Variants in CNTNAP2 observed in about 807,000 individuals in gnomAD.
The protein encoded by CNTNAP2 is contactin-associated protein-like 2.
CNTNAP2 carries 98 observed loss-of-function variants against 155.2 expected under a neutral mutation model. The observed-to-expected ratio is 0.63, with a 90% CI of 0.54 to 0.75. The LOEUF is 0.75. CNTNAP2 is among the 30% of genes least tolerant of loss of function. CNTNAP2 has a pLI of 0.00. For missense variants in CNTNAP2, 1,727 were observed against 1,688.1 expected (o/e 1.02, Z -0.40); for synonymous variants, 651 against 631.2 (o/e 1.03, Z -0.47).
intron 12 of CNTNAP2, among the ~76,000 whole-genome samples, chr7:147,599,502 A>C (rs895244883): frequency 1.4e-5 from 2 of 144,636 alleles, no homozygotes; most frequent in Admixed American, 6.9e-5. Flanking sequence ...AAAAAAAAAA[A>C]AAATACCATG....
intron 13 of CNTNAP2, among the ~76,000 whole-genome samples, chr7:147,681,985 G>A (rs1795953364): frequency 6.6e-6 from 1 of 151,764 alleles, no homozygotes; most frequent in South Asian, 2.1e-4. Flanking sequence ...TCTGAAAAAA[G>A]GAGATAGGAA....
At chr7:147,497,587 C>A (rs1798730944) in intron 11 of CNTNAP2, among the ~76,000 whole-genome samples, 1 of 152,182 alleles carries the variant, frequency 6.6e-6, no homozygotes, top group African/African-American at 2.4e-5. Flanking sequence ...AGGAAAATGC[C>A]TCCCATTTGT....
chr7:147,474,321 C>T (rs578094696), intron 10 of CNTNAP2, among the ~76,000 whole-genome samples: 4 of 151,914 alleles, frequency 2.6e-5, no homozygotes, highest in Admixed American at 2.0e-4. Flanking sequence ...TGGCCGGGCA[C>T]GGTGGCTCAC....
chr7:146,659,063 A>G (rs551249848), intron 1 of CNTNAP2, among the ~76,000 whole-genome samples: 2 of 152,306 alleles, frequency 1.3e-5, no homozygotes, highest in South Asian at 2.1e-4. Flanking sequence ...CTGCTGCCAG[A>G]AACCCAATCC....
chr7:147,154,402 A>G (rs1427935380), intron 8 of CNTNAP2, among the ~76,000 whole-genome samples: 1 of 152,216 alleles, frequency 6.6e-6, no homozygotes, highest in Non-Finnish European at 1.5e-5. Context: ...AAAATTATGG[A>G]GTGCTTTTAA....
In CNTNAP2 at chr7:146,970,761, C is replaced by T. The variant is rs10261767; in HGVS notation, c.403-73146C>T. Among the ~76,000 whole-genome samples the T allele has an allele frequency of 4.2e-3, 642 of 152,200 alleles. 7 individuals are homozygous for T. The highest frequency in any genetic ancestry group is 0.014 in the African/African-American group (601 of 41,536). ...ATGCTGCTATAAAAACACATGCACA[C>T]GTATGTTTATTGCGGCACTATTCAC... On this transcript the variant is annotated intron_variant, in intron 3 of 23. Coordinates refer to ENST00000361727, the MANE Select transcript of CNTNAP2 (RefSeq NM_014141.6).
chr7:146,480,870 G>C (rs1796950374), intron 1 of CNTNAP2, among the ~76,000 whole-genome samples: 1 of 151,388 alleles, frequency 6.6e-6, no homozygotes, highest in Non-Finnish European at 1.5e-5. Flanking sequence ...TTTCAGTAGA[G>C]ACAGGGTTTC....
chr7:148,331,729 T>G (rs74752445), intron 21 of CNTNAP2, among the ~76,000 whole-genome samples: 3 of 21,994 alleles, frequency 1.4e-4, no homozygotes, highest in Admixed American at 4.5e-4. Context: ...ATGGATTGGA[T>G]GGATGGAGTG....
chr7:146,537,056 A>G (rs1345278400), intron 1 of CNTNAP2, among the ~76,000 whole-genome samples: 3 of 152,130 alleles, frequency 2.0e-5, no homozygotes, highest in Non-Finnish European at 4.4e-5. Flanking sequence ...ATGTTTCATA[A>G]CCTAAGGCAT....
chr7:146,664,573 G>A (rs1051221971), intron 1 of CNTNAP2, among the ~76,000 whole-genome samples: 1 of 152,102 alleles, frequency 6.6e-6, no homozygotes, highest in African/African-American at 2.4e-5. Context: ...AAGGATTTTT[G>A]TATTCATATT....
intron 1 of CNTNAP2, among the ~76,000 whole-genome samples, chr7:146,717,361 A>G (rs1040259078): frequency 3.3e-5 from 5 of 151,436 alleles, no homozygotes; most frequent in Non-Finnish European, 7.4e-5. Context: ...AAAAAAAAAA[A>G]AAAAAGCCAT....
intron 2 of CNTNAP2, among the ~76,000 whole-genome samples, chr7:146,807,887 T>A (rs1802996178): frequency 6.6e-6 from 1 of 152,182 alleles, no homozygotes; most frequent in Non-Finnish European, 1.5e-5. Context: ...TAAGTAAGAA[T>A]CTGTGACTTG....
At chr7:146,902,600 A>T (rs923379559) in intron 3 of CNTNAP2, among the ~76,000 whole-genome samples, 1 of 152,218 alleles carries the variant, frequency 6.6e-6, no homozygotes, top group African/African-American at 2.4e-5. Context: ...TGTGGCTTTC[A>T]TCACTTTCTC....
chr7:146,708,599 T>TC (rs1801008128), intron 1 of CNTNAP2, among the ~76,000 whole-genome samples: 1 of 115,262 alleles, frequency 8.7e-6, no homozygotes, highest in Non-Finnish European at 1.8e-5. Flanking sequence ...TTTTTTTTTT[T>TC]TTTTTTTTTT....
At chr7:146,907,082 C>T (rs1051888528) in intron 3 of CNTNAP2, among the ~76,000 whole-genome samples, 19 of 150,892 alleles carry the variant, frequency 1.3e-4, no homozygotes, top group South Asian at 6.3e-4. Flanking sequence ...TGAAATGAAG[C>T]GAGAAGGGAA....
intron 1 of CNTNAP2, among the ~76,000 whole-genome samples, chr7:146,644,545 G>C (rs1799775094): frequency 1.3e-5 from 2 of 152,056 alleles, no homozygotes; most frequent in Non-Finnish European, 2.9e-5. Context: ...TGTGCTGCTG[G>C]ATTCGGTTTG....
chr7:147,772,578 G>A (rs754365303), intron 13 of CNTNAP2, among the ~76,000 whole-genome samples: 1 of 149,002 alleles, frequency 6.7e-6, no homozygotes, highest in Admixed American at 6.7e-5. Flanking sequence ...GTTCCAGTAC[G>A]TGAATTGACT....
intron 13 of CNTNAP2, among the ~76,000 whole-genome samples, chr7:147,842,157 T>G (rs1435224368): frequency 6.6e-6 from 1 of 152,242 alleles, no homozygotes; most frequent in Non-Finnish European, 1.5e-5. Context: ...AGATACATGA[T>G]TATTCCCATT....
At chr7:148,240,547 A>T (rs568026773) in intron 20 of CNTNAP2, among the ~76,000 whole-genome samples, 1 of 152,316 alleles carries the variant, frequency 6.6e-6, no homozygotes, top group South Asian at 2.1e-4. Context: ...GTTATTATTA[A>T]GACATAAATT....
Sources: allele counts gnomAD v4.1 joint callset (sites outside exome capture counted in the v4.1 genomes callset), GRCh38; gene constraint gnomAD v4.1.1; transcripts MANE v1.5; gene names NCBI Gene and HGNC (gene_info 2026-07-23, HGNC 2026-07-21).